HTR1F: variants seen among roughly 807,000 people sequenced by gnomAD.
HTR1F encodes the protein 5-hydroxytryptamine receptor 1F.
HTR1F carries 17 observed loss-of-function variants against 24.0 expected under a neutral mutation model. That is an observed-to-expected ratio of 0.71 (90% CI 0.48 to 1.06). HTR1F has a LOEUF of 1.06. Among genes scored for constraint, HTR1F ranks in the 50% least tolerant of loss-of-function variants. The pLI is 0.00. For missense variants in HTR1F, 391 were observed against 427.8 expected (o/e 0.91, Z 0.76); for synonymous variants, 186 against 156.8 (o/e 1.19, Z -1.39).
chr3:87,851,048 G>A (rs1705075078), intron 2 of HTR1F, among the ~76,000 whole-genome samples: 1 of 151,790 alleles, frequency 6.6e-6, no homozygotes, highest in Admixed American at 6.6e-5. Flanking sequence ...GTTAACCATT[G>A]CTACCTGCCA....
At chr3:87,979,660 T>C (rs1206525837) in intron 2 of HTR1F, among the ~76,000 whole-genome samples, 1 of 152,242 alleles carries the variant, frequency 6.6e-6, no homozygotes, top group East Asian at 1.9e-4. Flanking sequence ...CTGGGCTTGT[T>C]CTGCCCACTC....
chr3:87,900,251 C>G (rs1847311), intron 2 of HTR1F, among the ~76,000 whole-genome samples: 13 of 152,160 alleles, frequency 8.5e-5, no homozygotes, highest in African/African-American at 3.1e-4. Flanking sequence ...AAACAAAGAC[C>G]TGAAGGGGGC....
chr3:87,910,226 T>C (rs995640063), intron 2 of HTR1F: 1 of 151,940 alleles, frequency 6.6e-6, no homozygotes, highest in Non-Finnish European at 1.5e-5. Context: ...TCCTGTGTTG[T>C]ATGAAAGGAG....
At chr3:87,841,900 CAAAAA>C (rs1463648976) in intron 2 of HTR1F, among the ~76,000 whole-genome samples, 1 of 57,486 alleles carries the variant, frequency 1.7e-5, no homozygotes, top group African/African-American at 5.7e-5. Context: ...GATTCTGTCT[CAAAAA>C]AAAAAAAAAA....
intron 2 of HTR1F, among the ~76,000 whole-genome samples, chr3:87,955,608 T>G (rs1459272427): frequency 1.3e-5 from 2 of 151,546 alleles, no homozygotes; most frequent in Non-Finnish European, 3.0e-5. Flanking sequence ...AGCCTTTTTT[T>G]ACAAATGCCA....
At chr3:87,798,379 A>C (rs1023413145) in intron 1 of HTR1F, among the ~76,000 whole-genome samples, 1 of 151,964 alleles carries the variant, frequency 6.6e-6, no homozygotes, top group Non-Finnish European at 1.5e-5. Context: ...CCCCCACTCC[A>C]ATCTGAATTT....
At position 87,891,719 on chromosome 3, in the gene HTR1F, C is replaced by T. The variant is rs111539782; in HGVS notation, c.-43+69595C>T. 5.3e-3 allele frequency among the ~76,000 whole-genome samples: 810 copies of T among 152,298 alleles called. 9 individuals are homozygous for T. The highest frequency in any genetic ancestry group is 0.018 in the African/African-American group (765 of 41,560). ...TCAAGTGATTGATACTTCGTTGTTT[C>T]TCTCACTGAACTCTTTTTCATGAAG... On this transcript the variant is annotated intron_variant, in intron 2 of 2. Coordinates refer to ENST00000319595, the MANE Select transcript of HTR1F (RefSeq NM_001322209.2).
rs1268066181 is a variant in HTR1F, at chr3:87,933,533, A to G, written c.-42-57175A>G. ...TCAGGATATAAAATCAATGTACAAA[A>G]ATCACAAGCATTATTATACACCAAT... On this transcript the variant is annotated intron_variant, in intron 2 of 2. Coordinates refer to ENST00000319595, the MANE Select transcript of HTR1F (RefSeq NM_001322209.2). Among the ~76,000 whole-genome samples the G allele has an allele frequency of 7.9e-5, 12 of 152,152 alleles. No individual in the cohort carries two copies. In the East Asian group the frequency reaches 1.4e-3, roughly 17 times the overall value.
At chr3:87,891,554 A>G (rs1422563347) in intron 2 of HTR1F, among the ~76,000 whole-genome samples, 1 of 152,184 alleles carries the variant, frequency 6.6e-6, no homozygotes, top group Non-Finnish European at 1.5e-5. Flanking sequence ...CAAAACCCTT[A>G]CATTGCTTTT....
At chr3:87,990,671 C>G in intron 2 of HTR1F, 37 bp from the exon 3 acceptor site, 7 of 1,029,614 alleles carry the variant, frequency 6.8e-6, no homozygotes, top group Non-Finnish European at 8.7e-6. Flanking sequence ...GTTCTTGAAG[C>G]CTTCTCTGAA....
intron 2 of HTR1F, among the ~76,000 whole-genome samples, chr3:87,865,707 T>A (rs374548428): frequency 6.6e-6 from 1 of 152,202 alleles, no homozygotes. Context: ...CCCAAGTGTA[T>A]AATATTCTCT....
intron 2 of HTR1F, among the ~76,000 whole-genome samples, chr3:87,915,744 T>C (rs2107361848): frequency 6.6e-6 from 1 of 152,228 alleles, no homozygotes; most frequent in African/African-American, 2.4e-5. Flanking sequence ...TTGGTGTTCC[T>C]GAGGAAGAAG....
intron 2 of HTR1F, among the ~76,000 whole-genome samples, chr3:87,863,719 C>A (rs1459635997): frequency 6.6e-6 from 1 of 152,174 alleles, no homozygotes; most frequent in Non-Finnish European, 1.5e-5. Flanking sequence ...TCCAAGGCCA[C>A]TTCTACACTT....
intron 2 of HTR1F, among the ~76,000 whole-genome samples, chr3:87,844,317 A>G (rs199962296): frequency 8.4e-5 from 12 of 142,370 alleles, no homozygotes; most frequent in Admixed American, 2.0e-4. Flanking sequence ...TTGGCTGCAT[A>G]AATGTCTTCT....
chr3:87,877,091 A>C (rs890808424), intron 2 of HTR1F, among the ~76,000 whole-genome samples: 2 of 152,140 alleles, frequency 1.3e-5, no homozygotes, highest in African/African-American at 2.4e-5. Context: ...TATTTATTTC[A>C]GCTAAAATAG....
At chr3:87,895,308 T>C (rs1433893723) in intron 2 of HTR1F, among the ~76,000 whole-genome samples, 1 of 152,142 alleles carries the variant, frequency 6.6e-6, no homozygotes, top group Non-Finnish European at 1.5e-5. Flanking sequence ...ACATTAAATA[T>C]ACACAATAAA....
At chr3:87,936,448 A>G (rs1011453077) in intron 2 of HTR1F, among the ~76,000 whole-genome samples, 3 of 152,190 alleles carry the variant, frequency 2.0e-5, no homozygotes, top group Non-Finnish European at 2.9e-5. Context: ...CTTTTTAAAA[A>G]CTTTATCATC....
intron 2 of HTR1F, among the ~76,000 whole-genome samples, chr3:87,935,343 T>C (rs558413361): frequency 6.6e-6 from 1 of 152,220 alleles, no homozygotes; most frequent in Non-Finnish European, 1.5e-5. Flanking sequence ...TGACTCTGCA[T>C]TGCATTGACT....
intron 2 of HTR1F, among the ~76,000 whole-genome samples, chr3:87,979,092 GAA>G (rs1705482054): frequency 6.1e-5 from 1 of 16,264 alleles, no homozygotes; most frequent in African/African-American, 1.5e-4. Context: ...AGGAAGGAAG[GAA>G]GGAAGGAAGG....
Sources: gnomAD v4.1 joint callset for allele counts (sites outside exome capture counted in the v4.1 genomes callset) on GRCh38, gnomAD v4.1.1 for gene constraint, MANE v1.5 for transcripts, NCBI Gene and HGNC (gene_info 2026-07-23, HGNC 2026-07-21) for gene names.